Variants in ROBO2 observed in about 807,000 individuals in gnomAD.
ROBO2 encodes roundabout guidance receptor 2, also known as roundabout homolog 2.
ROBO2 carries 53 observed loss-of-function variants against 160.8 expected under a neutral mutation model. The observed-to-expected ratio is 0.33, with a 90% CI of 0.26 to 0.41. ROBO2 has a LOEUF of 0.41. Ranked by LOEUF, ROBO2 falls within the 10% of genes least tolerant of loss-of-function variation. The pLI, the probability that ROBO2 is intolerant of heterozygous loss-of-function variation, is 1.00. For synonymous variants in ROBO2, 664 were observed against 611.7 expected, an observed-to-expected ratio of 1.09 and a Z score of -1.26; for missense variants, 1,577 against 1,722.4, an observed-to-expected ratio of 0.92 and a Z score of 1.49.
At chr3:77,255,487 T>C (rs930851817) in intron 2 of ROBO2, among the ~76,000 whole-genome samples, 1 of 152,162 alleles carries the variant, frequency 6.6e-6, no homozygotes, top group Non-Finnish European at 1.5e-5. Context: ...AATTGACCTC[T>C]GAAGTGCTGA....
chr3:77,269,320 A>C (rs1378498238), intron 2 of ROBO2, among the ~76,000 whole-genome samples: 2 of 152,182 alleles, frequency 1.3e-5, no homozygotes, highest in Admixed American at 1.3e-4. Flanking sequence ...CTTCTGTCCT[A>C]AACCCAGTAG....
At chr3:75,990,887 T>G (rs1245784953) in intron 2 of ROBO2, among the ~76,000 whole-genome samples, 2 of 152,144 alleles carry the variant, frequency 1.3e-5, no homozygotes, top group Non-Finnish European at 2.9e-5. Flanking sequence ...GTAAACTGAG[T>G]GAAGAAGATC....
At chr3:76,726,207 AACAGTGTACCTGTC>A (rs1442639260) in intron 2 of ROBO2, among the ~76,000 whole-genome samples, 1 of 152,008 alleles carries the variant, frequency 6.6e-6, no homozygotes, top group East Asian at 1.9e-4. Flanking sequence ...TGATCTTGTA[AACAGTGTACCTGTC>A]ACTCATCTTT....
At chr3:77,472,021 G>A (rs1318735626) in intron 2 of ROBO2, among the ~76,000 whole-genome samples, 2 of 152,146 alleles carry the variant, frequency 1.3e-5, no homozygotes, top group Non-Finnish European at 2.9e-5. Context: ...TTTAGAGAAA[G>A]CTCTTTCTTC....
At chr3:76,008,657 C>T (rs1380221635) in intron 2 of ROBO2, among the ~76,000 whole-genome samples, 1 of 152,164 alleles carries the variant, frequency 6.6e-6, no homozygotes, top group Non-Finnish European at 1.5e-5. Flanking sequence ...AATGACCACC[C>T]TCTCATCACA....
intron 2 of ROBO2, among the ~76,000 whole-genome samples, chr3:76,055,287 C>T (rs1403840352): frequency 6.6e-6 from 1 of 152,170 alleles, no homozygotes; most frequent in Admixed American, 6.5e-5. Flanking sequence ...TGGGTGGGGA[C>T]ACAAAGCCAA....
chr3:76,962,402 G>A (rs901246951), intron 2 of ROBO2, among the ~76,000 whole-genome samples: 1 of 151,814 alleles, frequency 6.6e-6, no homozygotes, highest in East Asian at 1.9e-4. Context: ...ACTTTGGAAG[G>A]CTGAGGCAGG....
At chr3:76,095,880 T>G (rs1199129946) in intron 2 of ROBO2, among the ~76,000 whole-genome samples, 1 of 151,886 alleles carries the variant, frequency 6.6e-6, no homozygotes, top group Non-Finnish European at 1.5e-5. Context: ...ATGTGTAAAA[T>G]ATATAATACT....
chr3:77,294,505 A>G (rs2061784669), intron 2 of ROBO2, among the ~76,000 whole-genome samples: 1 of 146,914 alleles, frequency 6.8e-6, no homozygotes, highest in Non-Finnish European at 1.5e-5. Flanking sequence ...CCCAGACATT[A>G]AGTAAAATTG....
At chr3:76,142,883 C>T (rs2106776999) in intron 2 of ROBO2, among the ~76,000 whole-genome samples, 1 of 152,068 alleles carries the variant, frequency 6.6e-6, no homozygotes, top group Middle Eastern at 3.4e-3. Flanking sequence ...TTTCACATTG[C>T]AGGCCTGTAT....
intron 2 of ROBO2, among the ~76,000 whole-genome samples, chr3:76,081,190 T>C (rs1006599089): frequency 5.3e-5 from 8 of 152,014 alleles, no homozygotes; most frequent in South Asian, 2.1e-4. Context: ...CTATTCCATG[T>C]ACAAACTACA....
intron 6 of ROBO2, among the ~76,000 whole-genome samples, chr3:77,536,903 C>A (rs898240409): frequency 1.3e-5 from 2 of 152,028 alleles, no homozygotes; most frequent in Admixed American, 1.3e-4. Context: ...TATGTGCCTG[C>A]TTATGAGATC....
chr3:76,541,490 A>G (rs2082814441), intron 2 of ROBO2, among the ~76,000 whole-genome samples: 1 of 151,984 alleles, frequency 6.6e-6, no homozygotes, highest in Admixed American at 6.6e-5. Context: ...TTGTTATTTC[A>G]TGTGTGTGTG....
At chr3:77,005,796 A>G (rs2061548144) in intron 2 of ROBO2, among the ~76,000 whole-genome samples, 1 of 152,204 alleles carries the variant, frequency 6.6e-6, no homozygotes, top group South Asian at 2.1e-4. Context: ...GTTATAAAGA[A>G]GATTACGAAG....
intron 2 of ROBO2, among the ~76,000 whole-genome samples, chr3:76,728,962 A>C (rs1026846525): frequency 1.3e-5 from 2 of 151,514 alleles, no homozygotes; most frequent in African/African-American, 2.4e-5. Flanking sequence ...CCCTATCTCT[A>C]TGTTTCTCTC....
At chr3:76,394,494 G>T (rs1457824558) in intron 2 of ROBO2, among the ~76,000 whole-genome samples, 1 of 152,162 alleles carries the variant, frequency 6.6e-6, no homozygotes, top group African/African-American at 2.4e-5. Flanking sequence ...GAGATCAGCT[G>T]TTAGTCTGAT....
At chr3:77,357,760 G>C (rs1015838023) in intron 2 of ROBO2, among the ~76,000 whole-genome samples, 9 of 152,174 alleles carry the variant, frequency 5.9e-5, no homozygotes, top group Non-Finnish European at 8.8e-5. Context: ...ATGTGGAAGA[G>C]ACTGGTCCTA....
chr3:76,808,643 A>G (rs1197374896), intron 2 of ROBO2, among the ~76,000 whole-genome samples: 1 of 152,132 alleles, frequency 6.6e-6, no homozygotes, highest in East Asian at 1.9e-4. Context: ...TCATTCTAAG[A>G]AGAATGATTA....
chr3:76,560,757 A>G (rs1188705703), intron 2 of ROBO2, among the ~76,000 whole-genome samples: 1 of 150,716 alleles, frequency 6.6e-6, no homozygotes, highest in African/African-American at 2.4e-5. Context: ...TTCCATCACA[A>G]TCAGCTTATT....
Sources: allele counts gnomAD v4.1 joint callset (sites outside exome capture counted in the v4.1 genomes callset), GRCh38; gene constraint gnomAD v4.1.1; transcripts MANE v1.5; gene names NCBI Gene and HGNC (gene_info 2026-07-23, HGNC 2026-07-21).